ABR: variants seen among roughly 807,000 people sequenced by gnomAD.
ABR encodes the protein ABR activator of RhoGEF and GTPase, also known as active breakpoint cluster region-related protein.
In ABR, 35 loss-of-function variants were observed where a neutral mutation model predicts 107.2. That is an observed-to-expected ratio of 0.33 (90% CI 0.25 to 0.43). The LOEUF is 0.43. ABR is among the 20% of genes least tolerant of loss of function. The pLI is 1.00. For synonymous variants in ABR, 498 were observed against 462.0 expected (o/e 1.08, Z -1.00); for missense variants, 815 against 1,115.2 (o/e 0.73, Z 3.83).
At chr17:1,020,528 A>T (rs1034068228) in intron 16 of ABR, among the ~76,000 whole-genome samples, 1 of 152,196 alleles carries the variant, frequency 6.6e-6, no homozygotes, top group African/African-American at 2.4e-5. Context: ...AGGCAGGGGC[A>T]CCGGGTTGAA....
intron 1 of ABR, among the ~76,000 whole-genome samples, chr17:1,165,180 C>T (rs1341894553): frequency 6.6e-6 from 1 of 152,222 alleles, no homozygotes; most frequent in East Asian, 1.9e-4. Flanking sequence ...TCCACCCAGC[C>T]GAGCAACAGG....
At chr17:1,020,090 T>TC (rs375204511) in intron 16 of ABR, among the ~76,000 whole-genome samples, 12 of 146,866 alleles carry the variant, frequency 8.2e-5, no homozygotes, top group African/African-American at 2.7e-4. Flanking sequence ...TATTTCCTTC[T>TC]TTTTTTTTTT....
chr17:1,088,962 T>C (rs866470708), intron 4 of ABR, among the ~76,000 whole-genome samples: 1 of 142,632 alleles, frequency 7.0e-6, no homozygotes, highest in Non-Finnish European at 1.5e-5. Context: ...ATGGTGTGGT[T>C]TTGGCTCACT....
chr17:1,060,435 C>A (rs1464880832), intron 10 of ABR, among the ~76,000 whole-genome samples: 2 of 151,986 alleles, frequency 1.3e-5, no homozygotes, highest in Non-Finnish European at 2.9e-5. Context: ...GAATCTGATA[C>A]ATCCAAAGGG....
At chr17:1,130,003 G>A (rs2039756111) in intron 1 of ABR, among the ~76,000 whole-genome samples, 1 of 152,118 alleles carries the variant, frequency 6.6e-6, no homozygotes, top group Non-Finnish European at 1.5e-5. Context: ...ATGTTCAGAG[G>A]GATGGAAAGA....
chr17:1,075,885 T>C (rs1056285355), intron 6 of ABR, among the ~76,000 whole-genome samples: 7 of 151,978 alleles, frequency 4.6e-5, no homozygotes, highest in Non-Finnish European at 8.8e-5. Flanking sequence ...CTACTAAAAA[T>C]ACAAAAATTA....
chr17:1,137,424 T>C (rs879564021), intron 1 of ABR, among the ~76,000 whole-genome samples: 3 of 70,552 alleles, frequency 4.3e-5, no homozygotes, highest in Non-Finnish European at 7.8e-5. Context: ...CTGGACTAAC[T>C]TGGATATTTT....
chr17:1,226,376 T>C (rs1036505726), intron 1 of ABR, among the ~76,000 whole-genome samples: 1 of 152,120 alleles, frequency 6.6e-6, no homozygotes, highest in Non-Finnish European at 1.5e-5. Context: ...AGTGTGCACA[T>C]GTATGTACAT....
At chr17:1,196,840 G>C (rs142046097) in intron 1 of ABR, among the ~76,000 whole-genome samples, 1 of 151,926 alleles carries the variant, frequency 6.6e-6, no homozygotes, top group Non-Finnish European at 1.5e-5. Flanking sequence ...GACTACAGGC[G>C]CCCACCACCG....
At chr17:1,205,247 C>G (rs1285025226) in intron 1 of ABR, among the ~76,000 whole-genome samples, 1 of 152,158 alleles carries the variant, frequency 6.6e-6, no homozygotes, top group Non-Finnish European at 1.5e-5. Context: ...GGCCCTTTGG[C>G]ACATTACCCA....
At chr17:1,153,961 G>C (rs572860719) in intron 1 of ABR, 2 of 166,114 alleles carry the variant, frequency 1.2e-5, no homozygotes, top group African/African-American at 2.4e-5. Context: ...CCTGCCAGGC[G>C]GGGCTGATGC....
At chr17:1,138,678 T>TA in intron 1 of ABR, among the ~76,000 whole-genome samples, 1 of 152,144 alleles carries the variant, frequency 6.6e-6, no homozygotes, top group Middle Eastern at 3.4e-3. Flanking sequence ...AGGGTCTTGC[T>TA]ATGTGGGCCG....
At chr17:1,162,274 C>T (rs2041329974) in intron 1 of ABR, among the ~76,000 whole-genome samples, 2 of 152,228 alleles carry the variant, frequency 1.3e-5, no homozygotes, top group Non-Finnish European at 2.9e-5. Context: ...ACAACAGCCC[C>T]AGGACATACG....
intron 16 of ABR, among the ~76,000 whole-genome samples, chr17:1,028,382 A>C (rs1379136188): frequency 2.0e-5 from 3 of 151,784 alleles, no homozygotes. Flanking sequence ...GACAGGCGTG[A>C]GCCACCACAC....
chr17:1,005,451 G>A lies in ABR; in HGVS notation c.*629C>T, dbSNP rs1489741325. On this transcript the variant is annotated 3_prime_UTR_variant, in exon 23 of 23. Transcript: ENST00000302538. ...GCAAAGCAGGTGTGCTCCCAAAGGC[G>A]GAGTCTGAGGAGGGGCCGGCAGCGG... 3 of 301,902 alleles carry A rather than the reference G, an allele frequency of 9.9e-6. No homozygotes were observed. The highest frequency in any genetic ancestry group is 1.8e-5 in the Non-Finnish European group (3 of 165,100). The allele number at this position is 301,902 out of a possible 1,614,324, so 18.7% of individuals were successfully genotyped here. A position where few individuals can be genotyped will look rare whatever the true frequency, so the allele number is the denominator to read the frequency against.
chr17:1,226,048 G>A (rs977298738), intron 1 of ABR, among the ~76,000 whole-genome samples: 22 of 152,180 alleles, frequency 1.4e-4, no homozygotes, highest in Admixed American at 1.4e-3. Context: ...CGTGTCCAAT[G>A]CACTCATCTT....
chr17:1,100,507 C>T lies in ABR; in HGVS notation c.345+130G>A. On this transcript the variant is annotated intron_variant, in intron 3 of 22. Transcript: ENST00000302538. ...TGCCCAGCCAGAAGCAGACCAGCTG[C>T]AGACTCTGTCCACAGGGAGGGACGG... 3.6e-6 allele frequency: 3 copies of T among 824,960 alleles called. No homozygotes were observed. The East Asian group carries it at 7.8e-5, about 22-fold the overall frequency. 51.1% of individuals were successfully genotyped at this position (824,960 alleles called of 1,614,324 possible).
intron 2 of ABR, among the ~76,000 whole-genome samples, chr17:1,112,235 T>A (rs1322138486): frequency 6.6e-6 from 1 of 152,200 alleles, no homozygotes; most frequent in African/African-American, 2.4e-5. Flanking sequence ...CCCTTGCCGT[T>A]CTCAGGCTCT....
chr17:1,061,600 G>A (rs1175846281), intron 10 of ABR, among the ~76,000 whole-genome samples: 3 of 151,872 alleles, frequency 2.0e-5, no homozygotes, highest in Non-Finnish European at 4.4e-5. Context: ...AGGCTGGAGT[G>A]CAGTGGCGTG....
Sources: allele counts gnomAD v4.1 joint callset (sites outside exome capture counted in the v4.1 genomes callset), GRCh38; gene constraint gnomAD v4.1.1; transcripts MANE v1.5; gene names NCBI Gene and HGNC (gene_info 2026-07-23, HGNC 2026-07-21).